CWC27: variants seen among roughly 807,000 people sequenced by gnomAD.
The protein encoded by CWC27 is spliceosome-associated protein CWC27 homolog.
Under a neutral mutation model 63.6 loss-of-function variants are expected in CWC27, and 47 were observed. The observed-to-expected ratio is 0.74, with a 90% CI of 0.58 to 0.94. The LOEUF (loss-of-function observed/expected upper bound fraction) is 0.94. Among genes scored for constraint, CWC27 ranks in the 40% least tolerant of loss-of-function variants. The pLI is 0.00. For synonymous variants in CWC27, 175 were observed against 179.8 expected (o/e 0.97, Z 0.22); for missense variants, 495 against 554.3 (o/e 0.89, Z 1.07).
chr5:64,934,453 T>C (rs1488256785), intron 11 of CWC27, among the ~76,000 whole-genome samples: 1 of 152,258 alleles, frequency 6.6e-6, no homozygotes, highest in Non-Finnish European at 1.5e-5. Context: ...TATGGCTGCA[T>C]AGTATTCCAT....
chr5:64,856,871 T>C (rs907849535), intron 10 of CWC27, among the ~76,000 whole-genome samples: 1 of 152,178 alleles, frequency 6.6e-6, no homozygotes, highest in African/African-American at 2.4e-5. Context: ...CGGTAAATGA[T>C]CTTCATACAG....
At chr5:64,961,893 C>CT (rs1466310763) in intron 11 of CWC27, among the ~76,000 whole-genome samples, 1 of 152,090 alleles carries the variant, frequency 6.6e-6, no homozygotes, top group Non-Finnish European at 1.5e-5. Context: ...AGTAGATATT[C>CT]TTTTTTAATT....
intron 11 of CWC27, among the ~76,000 whole-genome samples, chr5:64,951,276 A>G (rs181224560): frequency 9.2e-5 from 14 of 152,004 alleles, no homozygotes; most frequent in Admixed American, 5.9e-4. Context: ...TAAGGAATGT[A>G]TAATGGTATT....
At chr5:64,800,199 G>A in intron 7 of CWC27, 49 bp from the exon 8 acceptor site, 2 of 1,221,668 alleles carry the variant, frequency 1.6e-6, no homozygotes, top group Non-Finnish European at 2.4e-6. Flanking sequence ...TGTTATTTAG[G>A]AATACTGTTT....
chr5:64,937,363 T>C (rs1303328891), intron 11 of CWC27, among the ~76,000 whole-genome samples: 1 of 152,212 alleles, frequency 6.6e-6, no homozygotes, highest in Non-Finnish European at 1.5e-5. Context: ...TACCCAGTAG[T>C]CATTCAGGAG....
chr5:65,000,162 T>G lies in CWC27; in HGVS notation c.1257-17997T>G, dbSNP rs78479165. The stretch of plus-strand genomic sequence containing the variant: ...TTTCAGAGATGTCTATTCAGATCCT[T>G]TGCCTACTTTTTAACAGGATTTTGG... On this transcript the variant is annotated intron_variant, in intron 13 of 13. Coordinates refer to ENST00000381070, the MANE Select transcript of CWC27 (RefSeq NM_005869.4). 5.4e-3 allele frequency among the ~76,000 whole-genome samples: 820 copies of G among 152,244 alleles called. 7 individuals are homozygous for G. Among genetic ancestry groups the G allele is most frequent in the Admixed American group, 7.8e-3 (119 of 15,284 alleles).
chr5:64,785,098 A>G (rs971354223), intron 4 of CWC27, among the ~76,000 whole-genome samples: 10 of 152,216 alleles, frequency 6.6e-5, no homozygotes, highest in Non-Finnish European at 1.3e-4. Context: ...TGTGAGGATT[A>G]AATGAGATAA....
At chr5:64,996,808 T>A (rs1749641844) in intron 13 of CWC27, among the ~76,000 whole-genome samples, 1 of 152,156 alleles carries the variant, frequency 6.6e-6, no homozygotes, top group African/African-American at 2.4e-5. Flanking sequence ...GGAAACATAG[T>A]GCATCAGTAT....
intron 10 of CWC27, among the ~76,000 whole-genome samples, chr5:64,884,844 C>CTTATTATATTATATTATATTAT (rs1319683724): frequency 4.6e-5 from 7 of 152,140 alleles, no homozygotes; most frequent in African/African-American, 1.7e-4. Context: ...GTCTTTAACA[C>CTTATTATATTATATTATATTAT]ATGATTATAT....
chr5:64,855,464 G>T (rs973696722), intron 10 of CWC27, among the ~76,000 whole-genome samples: 3 of 152,102 alleles, frequency 2.0e-5, no homozygotes. Context: ...AAAATAAAGA[G>T]ATTTCAGTTA....
In CWC27 at chr5:64,971,697, C is replaced by G. The variant is rs778304532; in HGVS notation, c.1043-6C>G. 2 of 1,581,008 alleles carry G rather than the reference C, an allele frequency of 1.3e-6. No individual in the cohort carries two copies. The highest frequency in any genetic ancestry group is 1.7e-6 in the Non-Finnish European group (2 of 1,163,724). Reference sequence around the variant, plus strand: ...CTTATTCTAAAAATATTCTACTATTCTTTAGAGGAAGAAGCCCCTCCAGAT... The same window carrying G: ...CTTATTCTAAAAATATTCTACTATTGTTTAGAGGAAGAAGCCCCTCCAGAT... On this transcript the variant is annotated splice_region_variant and splice_polypyrimidine_tract_variant and intron_variant, in intron 11 of 13. Coordinates refer to ENST00000381070, the MANE Select transcript of CWC27 (RefSeq NM_005869.4).
intron 10 of CWC27, among the ~76,000 whole-genome samples, chr5:64,815,043 T>C (rs528088831): frequency 2.6e-5 from 4 of 152,122 alleles, no homozygotes; most frequent in Non-Finnish European, 4.4e-5. Context: ...TAAGAAGTAG[T>C]AGTAATAAGC....
At chr5:64,817,462 T>C (rs1176880092) in intron 10 of CWC27, among the ~76,000 whole-genome samples, 1 of 152,128 alleles carries the variant, frequency 6.6e-6, no homozygotes, top group East Asian at 1.9e-4. Flanking sequence ...TAGTATATAA[T>C]TTAGAAATCA....
At position 64,781,976 on chromosome 5, in the gene CWC27, C is replaced by T. The variant is rs749180749; in HGVS notation, c.195C>T (p.Gly65=). Residue 65 remains glycine (G), a synonymous_variant, in exon 3 of 14, where the codon GGC becomes GGT. Coordinates refer to ENST00000381070, the MANE Select transcript of CWC27 (RefSeq NM_005869.4). ...TTGTGCCTGGTTTCATAGTCCAAGG[C>T]GGAGATCCTACTGGCACAGGGAGTG... ...HRVVPGFIVQ[G]GDPTGTGSGG... is the part of the protein sequence containing the mutation. The T allele has an allele frequency of 8.1e-6, 13 of 1,603,894 alleles. No homozygotes were observed. Among genetic ancestry groups the T allele is most frequent in the African/African-American group, 1.3e-5 (1 of 74,780 alleles).
intron 11 of CWC27, among the ~76,000 whole-genome samples, chr5:64,948,667 T>C (rs770020774): frequency 6.6e-6 from 1 of 151,964 alleles, no homozygotes; most frequent in Non-Finnish European, 1.5e-5. Context: ...AGTCAAACAG[T>C]GTTAATAATT....
At chr5:64,941,993 TTA>T (rs1748491968) in intron 11 of CWC27, among the ~76,000 whole-genome samples, 1 of 152,094 alleles carries the variant, frequency 6.6e-6, no homozygotes, top group African/African-American at 2.4e-5. Flanking sequence ...AGTCAGCAAA[TTA>T]TAACTATTTT....
At chr5:64,921,301 T>C (rs993128167) in intron 11 of CWC27, among the ~76,000 whole-genome samples, 1 of 152,178 alleles carries the variant, frequency 6.6e-6, no homozygotes, top group African/African-American at 2.4e-5. Flanking sequence ...AGAGTGTAGT[T>C]AGTATGGTTT....
chr5:64,872,549 C>A (rs2112326735), intron 10 of CWC27, among the ~76,000 whole-genome samples: 1 of 152,246 alleles, frequency 6.6e-6, no homozygotes. Context: ...ACTTCCACCT[C>A]ATTTTTTTCT....
At chr5:65,015,554 G>A (rs1454148619) in intron 13 of CWC27, among the ~76,000 whole-genome samples, 1 of 152,122 alleles carries the variant, frequency 6.6e-6, no homozygotes, top group Non-Finnish European at 1.5e-5. Context: ...AGATGCCCCC[G>A]ATGTGTGGTA....
Sources: allele counts gnomAD v4.1 joint callset (sites outside exome capture counted in the v4.1 genomes callset), GRCh38; gene constraint gnomAD v4.1.1; transcripts MANE v1.5; gene names NCBI Gene and HGNC (gene_info 2026-07-23, HGNC 2026-07-21).